The following VXN variants were observed in gnomAD, a reference collection of about 807,000 sequenced individuals.
VXN encodes vexin.
A neutral mutation model predicts 23.1 loss-of-function variants in VXN; 7 were observed. The ratio of observed to expected loss-of-function variants is 0.30; its 90% CI spans 0.17 to 0.57. The LOEUF (loss-of-function observed/expected upper bound fraction) is 0.57. VXN is among the 20% of genes least tolerant of loss of function. VXN has a pLI of 0.91. For missense variants in VXN, 238 were observed against 272.6 expected (o/e 0.87, Z 0.89); for synonymous variants, 120 against 105.8 (o/e 1.13, Z -0.83).
intron 3 of VXN, among the ~76,000 whole-genome samples, chr8:66,509,672 A>G (rs1186871980): frequency 6.6e-6 from 1 of 152,266 alleles, no homozygotes; most frequent in Non-Finnish European, 1.5e-5. Context: ...CACCTACTGC[A>G]TGCAGACACA....
chr8:66,505,553 C>A (rs1426059250), intron 3 of VXN, 25 bp downstream of exon 3: 1 of 1,459,176 alleles, frequency 6.9e-7, no homozygotes, highest in Non-Finnish European at 9.0e-7. Context: ...GCCCCAGCTC[C>A]CCGCACCTCC....
At chr8:66,513,707 G>C (rs761518951) in intron 5 of VXN, 70 bp downstream of exon 5, 1 of 1,324,334 alleles carries the variant, frequency 7.6e-7, no homozygotes, top group South Asian at 1.2e-5. Flanking sequence ...CCCCAGAAGA[G>C]CACCAGGCCG....
At chr8:66,514,889 T>G (rs1221450438) in intron 5 of VXN, among the ~76,000 whole-genome samples, 1 of 152,172 alleles carries the variant, frequency 6.6e-6, no homozygotes, top group Non-Finnish European at 1.5e-5. Flanking sequence ...CGCTGCACAC[T>G]TTGAAAGCAC....
intron 3 of VXN, among the ~76,000 whole-genome samples, chr8:66,507,009 G>A (rs1807767630): frequency 6.6e-6 from 1 of 152,112 alleles, no homozygotes; most frequent in African/African-American, 2.4e-5. Flanking sequence ...TTAGAGCCAT[G>A]CTTCTCAAAT....
At chr8:66,513,984 T>C (rs1807855796) in intron 5 of VXN, 1 of 213,770 alleles carries the variant, frequency 4.7e-6, no homozygotes, top group African/African-American at 2.3e-5. Context: ...CAGAAATATC[T>C]CATGAGTAAG....
intron 3 of VXN, among the ~76,000 whole-genome samples, chr8:66,508,555 T>TCCTGCTTCCCAGCACTTTC (rs1407886145): frequency 6.6e-6 from 1 of 152,168 alleles, no homozygotes; most frequent in Non-Finnish European, 1.5e-5. Context: ...CTCCATGATA[T>TCCTGCTTCCCAGCACTTTC]CCTGCTTCCC....
Position 66,517,070 on chromosome 8 carries a change from A to G in VXN, c.*994A>G. On this transcript the variant is annotated 3_prime_UTR_variant, in exon 6 of 6. Transcript: ENST00000305454. ...AGGGATTTGAATGAAATACACTATT[A>G]TATCTTATATGTTAGCTTGAACCAG... 6.6e-6 allele frequency: 1 copy of G among 152,248 alleles called. No individual in the cohort carries two copies. The highest frequency in any genetic ancestry group is 1.9e-4 in the East Asian group (1 of 5,206). The allele number at this position is 152,248 out of a possible 1,614,324, so 9.4% of individuals were successfully genotyped here.
intron 2 of VXN, among the ~76,000 whole-genome samples, chr8:66,502,833 T>C (rs1046326077): frequency 1.3e-5 from 2 of 150,580 alleles, no homozygotes; most frequent in African/African-American, 4.9e-5. Context: ...CCTATCTGGA[T>C]GTAGGCTGTT....
intron 3 of VXN, among the ~76,000 whole-genome samples, chr8:66,508,264 C>T (rs1486061544): frequency 6.6e-6 from 1 of 152,152 alleles, no homozygotes; most frequent in Non-Finnish European, 1.5e-5. Context: ...CCTCTTGGTA[C>T]CTACCTCAAG....
chr8:66,506,232 A>AGTGTGTGTGTGTGTGTGTGTGT (rs61613088), intron 3 of VXN, among the ~76,000 whole-genome samples: 33 of 140,338 alleles, frequency 2.4e-4, no homozygotes, highest in African/African-American at 8.0e-4. Flanking sequence ...AGAGAGAGAC[A>AGTGTGTGTGTGTGTGTGTGTGT]GTGTGTGTGT....
chr8:66,498,748 T>G (rs1807655691), intron 2 of VXN: 1 of 429,946 alleles, frequency 2.3e-6, no homozygotes, highest in African/African-American at 2.0e-5. Context: ...GGTGTGAGAT[T>G]TCATCACACT....
At chr8:66,515,583 C>T (rs1451717001) in intron 5 of VXN, among the ~76,000 whole-genome samples, 2 of 152,310 alleles carry the variant, frequency 1.3e-5, no homozygotes, top group East Asian at 3.9e-4. Context: ...AGTTTGTTCA[C>T]ATAGAGGCTG....
chr8:66,512,173 T>C (rs1807831829), intron 4 of VXN, among the ~76,000 whole-genome samples: 1 of 151,836 alleles, frequency 6.6e-6, no homozygotes, highest in South Asian at 2.1e-4. Flanking sequence ...CAGAAATCTG[T>C]GACACCAGCA....
chr8:66,508,392 C>T (rs1385301996), intron 3 of VXN, among the ~76,000 whole-genome samples: 1 of 152,158 alleles, frequency 6.6e-6, no homozygotes, highest in Non-Finnish European at 1.5e-5. Flanking sequence ...CAGAAATCTG[C>T]CCCTGTGCTC....
At chr8:66,510,288 C>T (rs1807807178) in intron 4 of VXN, 131 bp downstream of exon 4, 1 of 759,948 alleles carries the variant, frequency 1.3e-6, no homozygotes, top group Admixed American at 3.1e-5. Context: ...AAAAGCATAA[C>T]TGGCAGTTCT....
chr8:66,504,404 G>A (rs1199499760), intron 2 of VXN, among the ~76,000 whole-genome samples: 3 of 116,260 alleles, frequency 2.6e-5, no homozygotes, highest in Admixed American at 9.6e-5. Context: ...GCCCACCACC[G>A]CCCCCCCACC....
intron 3 of VXN, among the ~76,000 whole-genome samples, chr8:66,506,108 G>A (rs1807753464): frequency 6.6e-6 from 1 of 152,114 alleles, no homozygotes; most frequent in Non-Finnish European, 1.5e-5. Context: ...TCCTCCACAG[G>A]AGGCCCTACT....
intron 2 of VXN, among the ~76,000 whole-genome samples, chr8:66,501,670 C>T (rs552374707): frequency 2.6e-4 from 40 of 152,278 alleles, no homozygotes; most frequent in Admixed American, 4.6e-4. Flanking sequence ...TTTCTAATTT[C>T]CCCTAACAGT....
intron 5 of VXN, 137 bp downstream of exon 5, chr8:66,513,774 T>C (rs1014907555): frequency 3.2e-6 from 2 of 627,102 alleles, no homozygotes. Context: ...GCAAATTATC[T>C]TTTAATGAGG....
Sources: allele counts gnomAD v4.1 joint callset (sites outside exome capture counted in the v4.1 genomes callset), GRCh38; gene constraint gnomAD v4.1.1; transcripts MANE v1.5; gene names NCBI Gene and HGNC (gene_info 2026-07-23, HGNC 2026-07-21).